Variants in RAB20 observed in about 807,000 individuals in gnomAD.
RAB20 encodes RAB20, member RAS oncogene family.
In RAB20, 2 loss-of-function variants were observed where a neutral mutation model predicts 3.7. The observed-to-expected ratio is 0.54, with a 90% CI of 0.22 to 1.69. The LOEUF (loss-of-function observed/expected upper bound fraction) is 1.69. RAB20 is among the 40% of genes most tolerant of loss of function. The probability of loss-of-function intolerance (pLI) is 0.19; values close to 1 mark genes in which losing one functional copy is unlikely to be tolerated. For missense variants in RAB20, 276 were observed against 311.9 expected (o/e 0.88, Z 0.87); for synonymous variants, 126 against 130.8 (o/e 0.96, Z 0.25).
At chr13:110,558,317 C>T (rs998793316) in intron 1 of RAB20, among the ~76,000 whole-genome samples, 3 of 151,562 alleles carry the variant, frequency 2.0e-5, no homozygotes, top group African/African-American at 7.3e-5. Context: ...CATAATGAGA[C>T]AAGGTGAGTT....
In RAB20 at chr13:110,561,403, G is replaced by A. The variant is rs1307097548; in HGVS notation, c.117C>T (p.Gly39=). The A allele has an allele frequency of 1.9e-6, 3 of 1,609,770 alleles. No homozygotes were observed. The highest frequency in any genetic ancestry group is 2.2e-5 in the South Asian group (2 of 90,976). Residue 39 remains glycine, a synonymous_variant, in exon 1 of 2, where the codon GGC becomes GGT. Coordinates refer to ENST00000267328, the MANE Select transcript of RAB20 (RefSeq NM_017817.3). The stretch of plus-strand genomic sequence containing the variant: ...AGCGCCACTGCTTCAGGTAGAAGGC[G>A]CCGCCCACCGTGCTGACCGTGTCCG... The part of the protein sequence containing the change: ...RFPDTVSTVG[G]AFYLKQWRSY...
chr13:110,541,545 C>A (rs1333694711), intron 1 of RAB20, among the ~76,000 whole-genome samples: 2 of 152,192 alleles, frequency 1.3e-5, no homozygotes, highest in Admixed American at 1.3e-4. Context: ...GTGACAATGT[C>A]AATTTGGAAA....
intron 1 of RAB20, among the ~76,000 whole-genome samples, chr13:110,542,896 C>T (rs1884789132): frequency 6.6e-6 from 1 of 152,200 alleles, no homozygotes; most frequent in South Asian, 2.1e-4. Context: ...CGGCCATACC[C>T]GTTCACATTC....
intron 1 of RAB20, among the ~76,000 whole-genome samples, chr13:110,527,052 T>C (rs538688874): frequency 4.6e-5 from 7 of 152,162 alleles, no homozygotes; most frequent in Admixed American, 4.6e-4. Flanking sequence ...GCATGACACC[T>C]GCACACATGT....
intron 1 of RAB20, among the ~76,000 whole-genome samples, chr13:110,546,648 C>G (rs1360346930): frequency 1.3e-5 from 2 of 151,784 alleles, no homozygotes; most frequent in East Asian, 3.9e-4. Flanking sequence ...CACCCAGGCT[C>G]ACAAATCTTA....
chr13:110,525,225 A>T (rs1293908707), intron 1 of RAB20, among the ~76,000 whole-genome samples: 1 of 152,258 alleles, frequency 6.6e-6, no homozygotes, highest in Non-Finnish European at 1.5e-5. Context: ...GCAGCGCTAG[A>T]GGGAGGCTGG....
chr13:110,523,929 C>T lies in RAB20; in HGVS notation c.441G>A (p.Lys147=). 1 of 1,614,210 alleles carries T rather than the reference C, an allele frequency of 6.2e-7. No individual in the cohort carries two copies. The highest frequency in any genetic ancestry group is 8.5e-7 in the Non-Finnish European group (1 of 1,180,032). Residue 147 remains lysine, a synonymous_variant, in exon 2 of 2, where the codon AAG becomes AAA. Coordinates refer to ENST00000267328, the MANE Select transcript of RAB20 (RefSeq NM_017817.3). ...AGDRVSPRAP[K]QVQLEDAVAL... ...CCACCGCATCCTCCAGCTGCACCTG[C>T]TTAGGTGCCCTTGGGGAGACACGGT... is the stretch of plus-strand genomic sequence containing the variant.
intron 1 of RAB20, among the ~76,000 whole-genome samples, chr13:110,560,448 G>T (rs779360413): frequency 6.6e-6 from 1 of 152,128 alleles, no homozygotes; most frequent in Non-Finnish European, 1.5e-5. Flanking sequence ...AATTCTGGAC[G>T]GGGCCTTTGG....
At position 110,523,229 on chromosome 13, in the gene RAB20, C is replaced by G; in HGVS notation, c.*436G>C. 2.4e-6 allele frequency: 1 copy of G among 409,386 alleles called. No individual in the cohort carries two copies. The allele number at this position is 409,386 out of a possible 1,614,324, so 25.4% of individuals were successfully genotyped here. On this transcript the variant is annotated 3_prime_UTR_variant, in exon 2 of 2. Coordinates refer to ENST00000267328, the MANE Select transcript of RAB20 (RefSeq NM_017817.3). ...AAGTGGGAGGACCAAAGACAACTCA[C>G]AGTGAAGAGAAACGCTTGAGAACAA... is the stretch of plus-strand genomic sequence containing the variant.
intron 1 of RAB20, among the ~76,000 whole-genome samples, chr13:110,558,020 G>A (rs967334765): frequency 6.6e-6 from 1 of 152,238 alleles, no homozygotes; most frequent in African/African-American, 2.4e-5. Context: ...GGGCCTGCGG[G>A]GCAGCGGCCA....
At chr13:110,528,604 C>T (rs1364116567) in intron 1 of RAB20, among the ~76,000 whole-genome samples, 2 of 152,098 alleles carry the variant, frequency 1.3e-5, no homozygotes, top group African/African-American at 4.8e-5. Flanking sequence ...TATGGGAATG[C>T]GGAGTCAGGG....
chr13:110,523,569 T>C lies in RAB20; in HGVS notation c.*96A>G. ...CTGCTGCGGGTGTCATTCTGGAAAA[T>C]AATTCCTTGCTGTTCCTTGCTCCTT... On this transcript the variant is annotated 3_prime_UTR_variant, in exon 2 of 2. Transcript: ENST00000267328. The C allele has an allele frequency of 6.6e-7, 1 of 1,512,574 alleles. No homozygotes were observed. Among genetic ancestry groups the C allele is most frequent in the Non-Finnish European group, 8.8e-7 (1 of 1,130,878 alleles). 93.7% of individuals were successfully genotyped at this position (1,512,574 alleles called of 1,614,324 possible).
chr13:110,556,983 G>A (rs1483216442), intron 1 of RAB20, among the ~76,000 whole-genome samples: 1 of 152,220 alleles, frequency 6.6e-6, no homozygotes, highest in African/African-American at 2.4e-5. Context: ...AGGATCATGA[G>A]AGGGCAGCCC....
At chr13:110,534,419 G>A (rs1373499220) in intron 1 of RAB20, among the ~76,000 whole-genome samples, 1 of 152,176 alleles carries the variant, frequency 6.6e-6, no homozygotes, top group Non-Finnish European at 1.5e-5. Flanking sequence ...GTCCCCTGAG[G>A]CCGAGCCCCT....
At chr13:110,554,552 T>C (rs1400221177) in intron 1 of RAB20, among the ~76,000 whole-genome samples, 3 of 152,212 alleles carry the variant, frequency 2.0e-5, no homozygotes, top group Non-Finnish European at 4.4e-5. Context: ...GTTCACAGCA[T>C]GCAGGCCAAT....
chr13:110,529,348 A>T (rs9588184), intron 1 of RAB20, among the ~76,000 whole-genome samples: 1 of 152,062 alleles, frequency 6.6e-6, no homozygotes, highest in African/African-American at 2.4e-5. Context: ...TTTCCTGTCT[A>T]CAAGTATGGG....
chr13:110,526,359 A>T (rs542160264), intron 1 of RAB20, among the ~76,000 whole-genome samples: 5 of 152,256 alleles, frequency 3.3e-5, no homozygotes, highest in African/African-American at 9.6e-5. Context: ...CTGATTTTTT[A>T]AAAAGAAGCT....
intron 1 of RAB20, among the ~76,000 whole-genome samples, chr13:110,535,123 C>T (rs916722784): frequency 6.2e-4 from 94 of 152,202 alleles, no homozygotes; most frequent in African/African-American, 2.2e-3. Context: ...CCTGAGCCAC[C>T]ACGCCCAGCC....
Position 110,529,112 on chromosome 13 carries a change from G to T in RAB20, c.173-4915C>A, listed in dbSNP as rs564920624. Among the ~76,000 whole-genome samples, 21 of 152,294 alleles carry T rather than the reference G, an allele frequency of 1.4e-4. No individual in the cohort carries two copies. In the South Asian group the frequency reaches 4.4e-3, roughly 32 times the overall value. ...TTTAATCCTAATTGAATTTGAGTAG[G>T]GGCTCTGGTATGTAAGGCATGAGAG... On this transcript the variant is annotated intron_variant, in intron 1 of 1. Transcript: ENST00000267328.
Sources: allele counts gnomAD v4.1 joint callset (sites outside exome capture counted in the v4.1 genomes callset), GRCh38; gene constraint gnomAD v4.1.1; transcripts MANE v1.5; gene names NCBI Gene and HGNC (gene_info 2026-07-23, HGNC 2026-07-21).